The following MCTP2 variants were observed in gnomAD, a reference collection of about 807,000 sequenced individuals.
MCTP2 encodes the protein multiple C2 and transmembrane domain-containing protein 2.
A neutral mutation model predicts 111.6 loss-of-function variants in MCTP2; 132 were observed. The ratio of observed to expected loss-of-function variants is 1.18; its 90% CI spans 1.03 to 1.37. The LOEUF (loss-of-function observed/expected upper bound fraction) is 1.37. Ranked by LOEUF, MCTP2 falls within the 40% of genes most tolerant of loss-of-function variation. The pLI is 0.00. For missense variants in MCTP2, 1,183 were observed against 1,067.9 expected (o/e 1.11, Z -1.50); for synonymous variants, 395 against 387.7 (o/e 1.02, Z -0.22).
At chr15:94,405,161 G>A (rs933708573) in intron 17 of MCTP2, among the ~76,000 whole-genome samples, 1 of 152,202 alleles carries the variant, frequency 6.6e-6, no homozygotes, top group African/African-American at 2.4e-5. Context: ...CCAGTCCCTG[G>A]TGGGGCTTTT....
At chr15:94,478,643 C>T (rs1455544765) in intron 22 of MCTP2, among the ~76,000 whole-genome samples, 1 of 152,150 alleles carries the variant, frequency 6.6e-6, no homozygotes, top group African/African-American at 2.4e-5. Flanking sequence ...GATAAACATT[C>T]CCAAGAGGCA....
rs1212686423 is a variant in MCTP2 at position 94,356,147 on chromosome 15, T to TA, written c.1017dup (p.Arg340ThrfsTer7). 1 of 1,598,732 alleles carries TA rather than the reference T, an allele frequency of 6.3e-7. No individual in the cohort carries two copies. The highest frequency in any genetic ancestry group is 8.5e-7 in the Non-Finnish European group (1 of 1,173,376). On this transcript the variant is annotated frameshift_variant, in exon 9 of 23. Coordinates refer to ENST00000357742, the MANE Select transcript of MCTP2 (RefSeq NM_001385001.1). LOFTEE classifies it high-confidence loss of function. The stretch of plus-strand genomic sequence containing the variant: ...TATTTTTTGCTTTAGTCCTCTTTGA[T>TA]ACGCAACCTACGGCTCTCTGAGTCC...
intron 19 of MCTP2, among the ~76,000 whole-genome samples, chr15:94,448,720 T>C (rs1014110865): frequency 1.3e-5 from 2 of 152,198 alleles, no homozygotes; most frequent in African/African-American, 4.8e-5. Context: ...TCCCATTGCT[T>C]AGAATTGTCA....
intron 20 of MCTP2, among the ~76,000 whole-genome samples, chr15:94,462,999 C>T (rs2085308973): frequency 6.6e-6 from 1 of 152,142 alleles, no homozygotes; most frequent in African/African-American, 2.4e-5. Flanking sequence ...CATTTTAACA[C>T]TAAAATTGTG....
chr15:94,351,236 T>A (rs997741605), intron 8 of MCTP2, among the ~76,000 whole-genome samples: 1 of 152,148 alleles, frequency 6.6e-6, no homozygotes, highest in Non-Finnish European at 1.5e-5. Flanking sequence ...CTAGGAGAAT[T>A]TATGGGTCCA....
chr15:94,347,497 G>C (rs553421258), intron 8 of MCTP2, among the ~76,000 whole-genome samples: 42 of 152,084 alleles, frequency 2.8e-4, no homozygotes, highest in African/African-American at 9.9e-4. Flanking sequence ...TCATCCAAAA[G>C]GTTCCTGAAT....
In MCTP2 at chr15:94,244,266, A is replaced by G. The variant is rs566711916; in HGVS notation, c.-66+12602A>G. Among the ~76,000 whole-genome samples the G allele has an allele frequency of 2.1e-5, 3 of 145,364 alleles. No homozygotes were observed. The South Asian group carries it at 6.5e-4, about 31-fold the overall frequency. On this transcript the variant is annotated intron_variant, in intron 1 of 22. Transcript: ENST00000357742. ...TGTATACACATATGTGTATATATTT[A>G]TATACACACATATATACACATACAT...
At chr15:94,336,598 G>A (rs1326070870) in intron 4 of MCTP2, among the ~76,000 whole-genome samples, 2 of 151,834 alleles carry the variant, frequency 1.3e-5, no homozygotes, top group Non-Finnish European at 2.9e-5. Context: ...AGAAACAAGG[G>A]CTGTCACATG....
chr15:94,474,513 C>A (rs539732484), intron 21 of MCTP2, among the ~76,000 whole-genome samples: 1 of 152,176 alleles, frequency 6.6e-6, no homozygotes, highest in Non-Finnish European at 1.5e-5. Context: ...GAAGCCAGAA[C>A]GGGGGCCCAG....
In MCTP2 at chr15:94,336,235, CCTT is replaced by C. The variant is rs1292240461; in HGVS notation, c.638-3052_638-3050del. 5.2e-4 allele frequency among the ~76,000 whole-genome samples: 79 copies of C among 152,166 alleles called. 1 individual carries two copies. The highest frequency in any genetic ancestry group is 5.1e-3 in the Admixed American group (78 of 15,276). On this transcript the variant is annotated intron_variant, in intron 4 of 22. Transcript: ENST00000357742. ...GAGCACATGCCTCCTACTGGAATGA[CCTT>C]CTCTGCCTGTTCTGATCCACCCATG...
chr15:94,482,432 G>T lies in MCTP2; in HGVS notation c.*3398G>T, dbSNP rs988407586. The T allele has an allele frequency of 5.9e-5, 9 of 152,204 alleles. No homozygotes were observed. Among genetic ancestry groups the T allele is most frequent in the African/African-American group, 2.2e-4 (9 of 41,436 alleles). 9.4% of individuals were successfully genotyped at this position (152,204 alleles called of 1,614,324 possible). A position where few individuals can be genotyped will look rare whatever the true frequency, so the allele number is the denominator to read the frequency against. On this transcript the variant is annotated 3_prime_UTR_variant, in exon 23 of 23. Coordinates refer to ENST00000357742, the MANE Select transcript of MCTP2 (RefSeq NM_001385001.1). ...AATTGCTGGACTATGGGATGAGGGAGCGTAGAGTCAAGGATGGCTCTCAGT... is the reference window on the plus strand; with the variant it reads ...AATTGCTGGACTATGGGATGAGGGATCGTAGAGTCAAGGATGGCTCTCAGT...
At chr15:94,332,948 G>A (rs1051640366) in intron 4 of MCTP2, among the ~76,000 whole-genome samples, 20 of 152,176 alleles carry the variant, frequency 1.3e-4, no homozygotes, top group African/African-American at 4.3e-4. Context: ...TTTATGGGCT[G>A]GGTGTGGTTT....
At chr15:94,245,587 C>T (rs192865569) in intron 1 of MCTP2, among the ~76,000 whole-genome samples, 31 of 141,346 alleles carry the variant, frequency 2.2e-4, no homozygotes, top group African/African-American at 7.8e-4. Flanking sequence ...CGTATATGTA[C>T]ATATACGTAT....
At chr15:94,295,236 C>CTGT (rs2152330561) in intron 1 of MCTP2, among the ~76,000 whole-genome samples, 1 of 76,844 alleles carries the variant, frequency 1.3e-5, no homozygotes, top group African/African-American at 5.2e-5. Flanking sequence ...AGGTATGAGC[C>CTGT]ACCACACCTG....
chr15:94,371,341 ATTTTTCT>A (rs2079474997), intron 12 of MCTP2, among the ~76,000 whole-genome samples: 1 of 152,028 alleles, frequency 6.6e-6, no homozygotes, highest in South Asian at 2.1e-4. Context: ...TAATTAAGAC[ATTTTTCT>A]TTTTACTTAT....
At chr15:94,365,897 A>G (rs1026960807) in intron 10 of MCTP2, among the ~76,000 whole-genome samples, 4 of 152,180 alleles carry the variant, frequency 2.6e-5, no homozygotes, top group East Asian at 1.9e-4. Context: ...AAACTTCTAC[A>G]AATTTGGATT....
intron 7 of MCTP2, chr15:94,342,557 T>C (rs550615744): frequency 1.3e-5 from 2 of 152,046 alleles, no homozygotes; most frequent in South Asian, 4.1e-4. Context: ...ATTGATTATA[T>C]ATACACACAC....
At chr15:94,318,494 C>T (rs1671192877) in intron 4 of MCTP2, among the ~76,000 whole-genome samples, 1 of 152,020 alleles carries the variant, frequency 6.6e-6, no homozygotes, top group African/African-American at 2.4e-5. Context: ...AGGCTGGTCT[C>T]AAACTCCTGA....
intron 1 of MCTP2, among the ~76,000 whole-genome samples, chr15:94,255,359 T>C (rs2072698104): frequency 6.6e-6 from 1 of 152,204 alleles, no homozygotes. Flanking sequence ...GTAGTGTTTC[T>C]AGTATCAAAT....
Sources: gnomAD v4.1 joint callset for allele counts (sites outside exome capture counted in the v4.1 genomes callset) on GRCh38, gnomAD v4.1.1 for gene constraint, MANE v1.5 for transcripts, NCBI Gene and HGNC (gene_info 2026-07-23, HGNC 2026-07-21) for gene names.